The following LEF1 variants were observed in gnomAD, a reference collection of about 807,000 sequenced individuals.
The protein encoded by LEF1 is lymphoid enhancer-binding factor 1.
LEF1 carries 14 observed loss-of-function variants against 51.2 expected under a neutral mutation model. The observed-to-expected ratio is 0.27, with a 90% CI of 0.18 to 0.43. LEF1 has a LOEUF of 0.43. Ranked by LOEUF, LEF1 falls within the 20% of genes least tolerant of loss-of-function variation. LEF1 has a pLI of 1.00. For synonymous variants in LEF1, 185 were observed against 183.2 expected (o/e 1.01, Z -0.08); for missense variants, 386 against 512.0 (o/e 0.75, Z 2.37).
chr4:108,125,033 A>T (rs1742435667), intron 3 of LEF1, among the ~76,000 whole-genome samples: 1 of 152,240 alleles, frequency 6.6e-6, no homozygotes, highest in Non-Finnish European at 1.5e-5. Context: ...GAATTCTAAC[A>T]TACCAACATA....
At chr4:108,114,589 A>T (rs967848742) in intron 3 of LEF1, among the ~76,000 whole-genome samples, 3 of 152,214 alleles carry the variant, frequency 2.0e-5, no homozygotes, top group Admixed American at 6.5e-5. Flanking sequence ...TGTTTTCTAG[A>T]TGTGGACGTT....
At chr4:108,089,605 G>A (rs1477849219) in intron 3 of LEF1, among the ~76,000 whole-genome samples, 1 of 152,120 alleles carries the variant, frequency 6.6e-6, no homozygotes, top group Non-Finnish European at 1.5e-5. Context: ...AGTCAATAAA[G>A]AGCGAATTAC....
chr4:108,139,415 C>A (rs772062052), intron 3 of LEF1, among the ~76,000 whole-genome samples: 1 of 152,232 alleles, frequency 6.6e-6, no homozygotes, highest in Non-Finnish European at 1.5e-5. Flanking sequence ...GCATCTACAT[C>A]TACAATGCCA....
At chr4:108,063,717 C>G (rs141084807) in intron 10 of LEF1, 54 bp from the exon 11 acceptor site, 1 of 1,160,996 alleles carries the variant, frequency 8.6e-7, no homozygotes, top group African/African-American at 1.6e-5. Context: ...TTTGTACATT[C>G]CAAATACGTA....
chr4:108,048,418 A>C lies in LEF1; in HGVS notation c.*340T>G. On this transcript the variant is annotated 3_prime_UTR_variant, in exon 12 of 12. Transcript: ENST00000265165. ...GGTTTGGATGCAAGATGCTCTGGGAAGTGCACGCAGATATGAGGGGAGAAA... is the reference window on the plus strand; with the variant it reads ...GGTTTGGATGCAAGATGCTCTGGGACGTGCACGCAGATATGAGGGGAGAAA... 6.7e-6 allele frequency: 2 copies of C among 298,252 alleles called. No individual in the cohort carries two copies. Among genetic ancestry groups the C allele is most frequent in the Non-Finnish European group, 1.2e-5 (2 of 161,546 alleles). 18.5% of individuals were successfully genotyped at this position (298,252 alleles called of 1,614,324 possible).
intron 2 of LEF1, among the ~76,000 whole-genome samples, chr4:108,164,130 CAA>C (rs1206271559): frequency 1.3e-5 from 2 of 151,840 alleles, no homozygotes; most frequent in Non-Finnish European, 1.5e-5. Flanking sequence ...TAGACAAACT[CAA>C]AGATTCTACC....
chr4:108,078,137 T>C, intron 8 of LEF1, 83 bp downstream of exon 8: 1 of 1,281,722 alleles, frequency 7.8e-7, no homozygotes, highest in Non-Finnish European at 1.1e-6. Context: ...TATGACCACC[T>C]GATATGGGAT....
intron 3 of LEF1, among the ~76,000 whole-genome samples, chr4:108,110,134 A>C (rs911532133): frequency 6.6e-6 from 1 of 152,222 alleles, no homozygotes; most frequent in Non-Finnish European, 1.5e-5. Flanking sequence ...GGCAGGTGGC[A>C]TTGTTGGCAA....
chr4:108,120,980 C>G (rs1742142306), intron 3 of LEF1, among the ~76,000 whole-genome samples: 1 of 152,208 alleles, frequency 6.6e-6, no homozygotes, highest in African/African-American at 2.4e-5. Context: ...CACAGCTGAC[C>G]TGTCAATCAT....
chr4:108,051,547 CA>C (rs1736990846), intron 11 of LEF1, among the ~76,000 whole-genome samples: 1 of 152,178 alleles, frequency 6.6e-6, no homozygotes, highest in African/African-American at 2.4e-5. Flanking sequence ...CGGCACAGCC[CA>C]ACCCACCAGT....
intron 1 of LEF1, chr4:108,166,192 C>T: frequency 2.1e-6 from 3 of 1,449,580 alleles, no homozygotes; most frequent in Non-Finnish European, 2.7e-6. Context: ...CCCCAGCCCG[C>T]TCAAACTGGA....
At chr4:108,118,200 T>C (rs1365090368) in intron 3 of LEF1, among the ~76,000 whole-genome samples, 2 of 152,230 alleles carry the variant, frequency 1.3e-5, no homozygotes, top group African/African-American at 4.8e-5. Flanking sequence ...AATAATTATT[T>C]TTATTTCCAT....
At chr4:108,163,248 A>T (rs949655665) in intron 3 of LEF1, among the ~76,000 whole-genome samples, 2 of 152,196 alleles carry the variant, frequency 1.3e-5, no homozygotes, top group Non-Finnish European at 2.9e-5. Flanking sequence ...AAAGTAAATC[A>T]ATTTTTTCCT....
chr4:108,073,833 C>CTT (rs1245402800), intron 8 of LEF1, among the ~76,000 whole-genome samples: 4 of 144,026 alleles, frequency 2.8e-5, no homozygotes, highest in African/African-American at 7.9e-5. Context: ...ACCCCCCCCC[C>CTT]TTTTTTTTTT....
chr4:108,068,940 G>A (rs1211781803), intron 9 of LEF1, among the ~76,000 whole-genome samples: 3 of 152,138 alleles, frequency 2.0e-5, no homozygotes, highest in Non-Finnish European at 1.5e-5. Context: ...CTTGTCTCAC[G>A]TAGACCCTGA....
chr4:108,099,547 T>C (rs1740620640), intron 3 of LEF1, among the ~76,000 whole-genome samples: 1 of 73,364 alleles, frequency 1.4e-5, no homozygotes, highest in African/African-American at 5.6e-5. Context: ...TGTATATGTG[T>C]GTGTGTGTAT....
intron 3 of LEF1, among the ~76,000 whole-genome samples, chr4:108,122,507 TC>T (rs1742241952): frequency 6.6e-6 from 1 of 152,198 alleles, no homozygotes; most frequent in Non-Finnish European, 1.5e-5. Flanking sequence ...AGACAGAGTC[TC>T]ACTTTGTCAC....
chr4:108,092,803 T>C (rs553649794), intron 3 of LEF1, among the ~76,000 whole-genome samples: 1 of 151,886 alleles, frequency 6.6e-6, no homozygotes, highest in African/African-American at 2.4e-5. Context: ...CAAGCACTAT[T>C]CTAGCACCAA....
intron 3 of LEF1, 55 bp from the exon 4 acceptor site, chr4:108,089,312 T>C: frequency 6.4e-7 from 1 of 1,567,856 alleles, no homozygotes. Context: ...TCCAGTCTTT[T>C]CTCCCAAAGA....
Sources: allele counts gnomAD v4.1 joint callset (sites outside exome capture counted in the v4.1 genomes callset), GRCh38; gene constraint gnomAD v4.1.1; transcripts MANE v1.5; gene names NCBI Gene and HGNC (gene_info 2026-07-23, HGNC 2026-07-21).